Variants in MGLL observed in about 807,000 individuals in gnomAD.
MGLL encodes monoglyceride lipase, also known as lysophospholipase homolog.
MGLL carries 7 observed loss-of-function variants against 29.1 expected under a neutral mutation model. The ratio of observed to expected loss-of-function variants is 0.24; its 90% confidence interval spans 0.14 to 0.45. The LOEUF is 0.45. Among genes scored for constraint, MGLL ranks in the 20% least tolerant of loss-of-function variants. The probability of loss-of-function intolerance (pLI) is 0.99; values close to 1 mark genes in which losing one functional copy is unlikely to be tolerated. For synonymous variants in MGLL, 148 were observed against 168.3 expected, an observed-to-expected ratio of 0.88 and a Z score of 0.93; for missense variants, 356 against 413.6, an observed-to-expected ratio of 0.86 and a Z score of 1.21.
In MGLL at chr3:127,766,552, T is replaced by G. The variant is rs2076859050; in HGVS notation, c.262+15237A>C. 2.0e-5 allele frequency among the ~76,000 whole-genome samples: 3 copies of G among 152,290 alleles called. No homozygotes were observed. The South Asian group carries it at 6.2e-4, about 32-fold the overall frequency. On this transcript the variant is annotated intron_variant, in intron 3 of 7. Coordinates refer to ENST00000265052, the MANE Select transcript of MGLL (RefSeq NM_007283.7). ...GCCTCCCAACTGCGCCTTTCTGGCCTGTTTATCAGCCAAGCAGGGGCACTC... is the reference window on the plus strand; with the variant it reads ...GCCTCCCAACTGCGCCTTTCTGGCCGGTTTATCAGCCAAGCAGGGGCACTC...
chr3:127,753,952 CT>C (rs1269833494), intron 3 of MGLL, among the ~76,000 whole-genome samples: 1 of 152,218 alleles, frequency 6.6e-6, no homozygotes, highest in African/African-American at 2.4e-5. Context: ...CCCTGTCTTC[CT>C]CAGGGGTCAC....
intron 3 of MGLL, among the ~76,000 whole-genome samples, chr3:127,742,949 G>A (rs1383931372): frequency 2.0e-5 from 3 of 152,168 alleles, no homozygotes; most frequent in Non-Finnish European, 4.4e-5. Flanking sequence ...CGAGTAGCTG[G>A]GATTACAGGT....
chr3:127,809,557 T>G (rs1302363553), intron 2 of MGLL, among the ~76,000 whole-genome samples: 2 of 151,930 alleles, frequency 1.3e-5, no homozygotes, highest in African/African-American at 4.8e-5. Flanking sequence ...GCCCAGGAGT[T>G]GGAGACTGCA....
intron 3 of MGLL, among the ~76,000 whole-genome samples, chr3:127,728,255 G>GT (rs1414671364): frequency 6.6e-6 from 1 of 152,072 alleles, no homozygotes; most frequent in Non-Finnish European, 1.5e-5. Flanking sequence ...ATTATTTTCT[G>GT]TTTTTTCCCT....
At chr3:127,807,789 T>G (rs2077593972) in intron 2 of MGLL, among the ~76,000 whole-genome samples, 1 of 122,118 alleles carries the variant, frequency 8.2e-6, no homozygotes, top group Non-Finnish European at 1.6e-5. Context: ...TGAGATGGAG[T>G]CTCGCTCTGT....
chr3:127,790,158 G>A (rs1004330860), intron 2 of MGLL, among the ~76,000 whole-genome samples: 3 of 152,194 alleles, frequency 2.0e-5, no homozygotes, highest in Non-Finnish European at 4.4e-5. Flanking sequence ...GGTGACAAGT[G>A]ACTCAATCAC....
rs941515081 is a variant in MGLL, at chr3:127,822,389, C to G, written c.-71G>C. The stretch of plus-strand genomic sequence containing the variant: ...CAGAACCAGGCAAATCGGGCTGTTC[C>G]CTCATCTGGGCGGCCCCAAGGCAGC... On this transcript the variant is annotated 5_prime_UTR_variant, in exon 1 of 8. Coordinates refer to ENST00000265052, the MANE Select transcript of MGLL (RefSeq NM_007283.7). 6.4e-7 allele frequency: 1 copy of G among 1,560,120 alleles called. No individual in the cohort carries two copies. The highest frequency in any genetic ancestry group is 1.4e-5 in the African/African-American group (1 of 73,770).
intron 2 of MGLL, among the ~76,000 whole-genome samples, chr3:127,785,601 C>T (rs1000614923): frequency 6.6e-6 from 1 of 152,228 alleles, no homozygotes. Flanking sequence ...GGTTGGATTC[C>T]CAGTGTGACC....
At chr3:127,756,966 A>C (rs1207637027) in intron 3 of MGLL, among the ~76,000 whole-genome samples, 1 of 152,126 alleles carries the variant, frequency 6.6e-6, no homozygotes, top group Admixed American at 6.5e-5. Context: ...AGGTCCTCCC[A>C]CCAGGTGAAG....
chr3:127,739,006 C>G (rs189820741), intron 3 of MGLL, among the ~76,000 whole-genome samples: 60 of 152,304 alleles, frequency 3.9e-4, no homozygotes, highest in Admixed American at 1.4e-3. Context: ...ATTGAAGATG[C>G]CTTCAATTCA....
chr3:127,792,069 A>G (rs2077309306), intron 2 of MGLL, among the ~76,000 whole-genome samples: 1 of 152,198 alleles, frequency 6.6e-6, no homozygotes. Context: ...CTCTGTCTCA[A>G]AAAACAAACG....
At chr3:127,750,529 C>T (rs1292056536) in intron 3 of MGLL, among the ~76,000 whole-genome samples, 1 of 152,116 alleles carries the variant, frequency 6.6e-6, no homozygotes, top group African/African-American at 2.4e-5. Flanking sequence ...AAGCCCCAAA[C>T]AGCAGGTGGA....
At chr3:127,728,888 T>G (rs576877153) in intron 3 of MGLL, among the ~76,000 whole-genome samples, 1 of 152,158 alleles carries the variant, frequency 6.6e-6, no homozygotes, top group Non-Finnish European at 1.5e-5. Context: ...CAGCAGACTG[T>G]GTGTTTGACA....
At chr3:127,812,030 C>A (rs1205373650) in intron 2 of MGLL, among the ~76,000 whole-genome samples, 2 of 152,220 alleles carry the variant, frequency 1.3e-5, no homozygotes, top group African/African-American at 4.8e-5. Flanking sequence ...TAGCACATGG[C>A]CCTTGTAGTA....
At chr3:127,754,774 T>TC (rs1162759640) in intron 3 of MGLL, among the ~76,000 whole-genome samples, 1 of 152,012 alleles carries the variant, frequency 6.6e-6, no homozygotes, top group African/African-American at 2.4e-5. Flanking sequence ...CCCGTGTGCC[T>TC]CCCCCGCAGC....
intron 3 of MGLL, among the ~76,000 whole-genome samples, chr3:127,739,743 C>T (rs1191813496): frequency 1.3e-5 from 2 of 152,342 alleles, no homozygotes; most frequent in East Asian, 3.9e-4. Flanking sequence ...GGAACTCTTA[C>T]ATGGACAACT....
intron 2 of MGLL, among the ~76,000 whole-genome samples, chr3:127,820,775 A>C (rs2077845246): frequency 1.3e-5 from 2 of 152,234 alleles, no homozygotes. Flanking sequence ...AACCATAGCC[A>C]GTCTGTGTAG....
intron 3 of MGLL, among the ~76,000 whole-genome samples, chr3:127,729,838 T>C (rs1277618191): frequency 6.6e-6 from 1 of 152,178 alleles, no homozygotes; most frequent in East Asian, 1.9e-4. Context: ...CTCTGCGAGC[T>C]CTCCCTGGTC....
Position 127,723,741 on chromosome 3 carries a change from T to C in MGLL, c.263-1175A>G, listed in dbSNP as rs187863315. On this transcript the variant is annotated intron_variant, in intron 3 of 7. Transcript: ENST00000265052. ...AACCATTTTTAAATGTAAGGTTCAGTGGCATCAACATTATTGTGCAACCCT... is the reference window on the plus strand; with the variant it reads ...AACCATTTTTAAATGTAAGGTTCAGCGGCATCAACATTATTGTGCAACCCT... Among the ~76,000 whole-genome samples the C allele has an allele frequency of 2.0e-5, 3 of 152,388 alleles. No homozygotes were observed. The East Asian group carries it at 5.8e-4, about 29-fold the overall frequency.
Sources: gnomAD v4.1 joint callset for allele counts (sites outside exome capture counted in the v4.1 genomes callset) on GRCh38, gnomAD v4.1.1 for gene constraint, MANE v1.5 for transcripts, NCBI Gene and HGNC (gene_info 2026-07-23, HGNC 2026-07-21) for gene names.